Variants in ABCD3 observed in about 807,000 individuals in gnomAD.
ABCD3 encodes ATP binding cassette subfamily D member 3.
In ABCD3, 41 loss-of-function variants were observed where a neutral mutation model predicts 105.5. The ratio of observed to expected loss-of-function variants is 0.39; its 90% CI spans 0.30 to 0.50. The LOEUF (loss-of-function observed/expected upper bound fraction) is 0.50. Ranked by LOEUF, ABCD3 falls within the 20% of genes least tolerant of loss-of-function variation. ABCD3 has a pLI of 0.84. For synonymous variants in ABCD3, 258 were observed against 269.0 expected, an observed-to-expected ratio of 0.96 and a Z score of 0.40; for missense variants, 622 against 806.3, an observed-to-expected ratio of 0.77 and a Z score of 2.77.
At chr1:94,461,700 A>G (rs921718435) in intron 2 of ABCD3, among the ~76,000 whole-genome samples, 1 of 151,990 alleles carries the variant, frequency 6.6e-6, no homozygotes, top group Non-Finnish European at 1.5e-5. Flanking sequence ...TAATTTTGCT[A>G]TGATTTATGT....
intron 21 of ABCD3, among the ~76,000 whole-genome samples, chr1:94,506,865 T>C (rs941144445): frequency 3.3e-5 from 5 of 151,942 alleles, no homozygotes; most frequent in Admixed American, 1.3e-4. Context: ...GATTTAAATA[T>C]GTTGTTTTAT....
intron 4 of ABCD3, among the ~76,000 whole-genome samples, chr1:94,470,767 C>T (rs1424752614): frequency 2.0e-5 from 3 of 152,026 alleles, no homozygotes; most frequent in African/African-American, 7.2e-5. Context: ...ATTTTTGTCT[C>T]TGCCATTTTA....
intron 21 of ABCD3, among the ~76,000 whole-genome samples, chr1:94,508,400 T>A (rs1342576648): frequency 6.6e-6 from 1 of 151,490 alleles, no homozygotes; most frequent in Non-Finnish European, 1.5e-5. Context: ...TGTAGCCTTG[T>A]AGTATGGTTT....
intron 7 of ABCD3, 53 bp from the exon 8 acceptor site, chr1:94,478,206 A>T: frequency 1.9e-6 from 2 of 1,079,370 alleles, no homozygotes; most frequent in Non-Finnish European, 2.8e-6. Flanking sequence ...TGTATTAGCT[A>T]TCATTCTAGT....
chr1:94,419,132 T>C (rs984325146), intron 1 of ABCD3, among the ~76,000 whole-genome samples: 11 of 152,328 alleles, frequency 7.2e-5, no homozygotes, highest in Non-Finnish European at 1.0e-4. Context: ...GTGGCTTCTA[T>C]GAAACTATTC....
At chr1:94,390,974 G>A in the ABCD3 span, among the ~76,000 whole-genome samples, 2 of 152,274 alleles carry the variant, frequency 1.3e-5, no homozygotes, top group South Asian at 2.1e-4. Flanking sequence ...ACAGAGCCAC[G>A]TTCCTCATAT....
At chr1:94,448,788 A>G (rs1382759197) in intron 1 of ABCD3, among the ~76,000 whole-genome samples, 2 of 152,252 alleles carry the variant, frequency 1.3e-5, no homozygotes, top group Non-Finnish European at 2.9e-5. Flanking sequence ...TATGTGGAAT[A>G]TTAAACACAG....
In ABCD3 at chr1:94,507,023, G is replaced by T. The variant is rs570379342; in HGVS notation, c.1845+381G>T. Among the ~76,000 whole-genome samples the T allele has an allele frequency of 6.6e-5, 10 of 151,502 alleles. No individual in the cohort carries two copies. The South Asian group carries it at 2.1e-3, about 32-fold the overall frequency. On this transcript the variant is annotated intron_variant, in intron 21 of 22. Transcript: ENST00000370214. ...TTATTATTATACTTTAAGTTTTAGG[G>T]TACATGTGCAAAATGTGCAGGTTAG...
chr1:94,510,924 A>G, intron 21 of ABCD3, among the ~76,000 whole-genome samples: 2 of 152,052 alleles, frequency 1.3e-5, no homozygotes, highest in Non-Finnish European at 2.9e-5. Flanking sequence ...CAGCACACTG[A>G]TGGGTCTTGA....
chr1:94,503,508 C>T (rs1345745604), intron 20 of ABCD3, among the ~76,000 whole-genome samples: 1 of 152,124 alleles, frequency 6.6e-6, no homozygotes, highest in African/African-American at 2.4e-5. Flanking sequence ...TCCCCTCCCG[C>T]AGCCCCCACC....
rs200467419 is a variant in ABCD3 at position 94,438,779 on chromosome 1, A to AT, written c.111-19818dup. Among the ~76,000 whole-genome samples the AT allele has an allele frequency of 1.6e-3, 242 of 150,186 alleles. 2 individuals are homozygous for AT. The highest frequency in any genetic ancestry group is 0.011 in the East Asian group (55 of 5,120). On this transcript the variant is annotated intron_variant, in intron 1 of 22. Coordinates refer to ENST00000370214, the MANE Select transcript of ABCD3 (RefSeq NM_002858.4). Reference sequence around the variant, plus strand: ...TTTAAAAACCAAGGTATGTCCATTGATTTTTTTTTTAGACGTAATGTCATT... The same window carrying AT: ...TTTAAAAACCAAGGTATGTCCATTGATTTTTTTTTTTAGACGTAATGTCATT...
At chr1:94,480,320 A>G in intron 8 of ABCD3, 144 bp from the exon 9 acceptor site, 1 of 977,602 alleles carries the variant, frequency 1.0e-6, no homozygotes, top group Non-Finnish European at 1.5e-6. Context: ...TTTTTCAGAA[A>G]AAAAACAAAG....
At position 94,462,976 on chromosome 1, in the gene ABCD3, G is replaced by A. The variant is rs17111563; in HGVS notation, c.148-1799G>A. 5.2e-3 allele frequency among the ~76,000 whole-genome samples: 786 copies of A among 152,320 alleles called. 6 individuals carry two copies. The highest frequency in any genetic ancestry group is 0.018 in the African/African-American group (740 of 41,564). On this transcript the variant is annotated intron_variant, in intron 2 of 22. Transcript: ENST00000370214. ...AATACAAACAGATTAGGTTGAATGT[G>A]TAAGGTTTAGCTTGAGGAGAATAGG...
At chr1:94,441,401 C>A (rs1225278432) in intron 1 of ABCD3, among the ~76,000 whole-genome samples, 1 of 152,124 alleles carries the variant, frequency 6.6e-6, no homozygotes, top group African/African-American at 2.4e-5. Context: ...TCTTAAAATC[C>A]TAGTGGTAAT....
At position 94,425,206 on chromosome 1, in the gene ABCD3, A is replaced by G. The variant is rs537222037; in HGVS notation, c.110+6618A>G. Among the ~76,000 whole-genome samples, 3 of 152,336 alleles carry G rather than the reference A, an allele frequency of 2.0e-5. No homozygotes were observed. The East Asian group carries it at 5.8e-4, about 29-fold the overall frequency. ...GTAAACATTAAAGACAATTTAAGAAAATTAAAAATCATCCATAATGTTATA... is the reference window on the plus strand; with the variant it reads ...GTAAACATTAAAGACAATTTAAGAAGATTAAAAATCATCCATAATGTTATA... On this transcript the variant is annotated intron_variant, in intron 1 of 22. Transcript: ENST00000370214.
chr1:94,405,514 G>A, the ABCD3 span, among the ~76,000 whole-genome samples: 1 of 152,052 alleles, frequency 6.6e-6, no homozygotes, highest in Admixed American at 6.6e-5. Context: ...ATGTTGGTCA[G>A]GCTGGTCTTG....
chr1:94,416,435 TCTAA>T (rs1570720608), upstream of ABCD3, among the ~76,000 whole-genome samples: 1 of 152,202 alleles, frequency 6.6e-6, no homozygotes, highest in Admixed American at 6.5e-5. Context: ...GTTTTTCTTC[TCTAA>T]CAGCCTCTGG....
chr1:94,386,027 C>A, the ABCD3 span, among the ~76,000 whole-genome samples: 16 of 78 alleles, frequency 0.21, no homozygotes, highest in African/African-American at 0.31. Flanking sequence ...GAATCTGTTT[C>A]TTTCTTTCTT....
chr1:94,391,884 C>T, the ABCD3 span, among the ~76,000 whole-genome samples: 1 of 152,180 alleles, frequency 6.6e-6, no homozygotes. Context: ...GAAGACTTGG[C>T]TCACAACCAG....
Sources: gnomAD v4.1 joint callset for allele counts (sites outside exome capture counted in the v4.1 genomes callset) on GRCh38, gnomAD v4.1.1 for gene constraint, MANE v1.5 for transcripts, NCBI Gene and HGNC (gene_info 2026-07-23, HGNC 2026-07-21) for gene names.